The following PPP2R5A variants were observed in gnomAD, a reference collection of about 807,000 sequenced individuals.
PPP2R5A encodes the protein serine/threonine-protein phosphatase 2A 56 kDa regulatory subunit alpha isoform.
PPP2R5A carries 25 observed loss-of-function variants against 64.2 expected under a neutral mutation model. That is an observed-to-expected ratio of 0.39 (90% CI 0.28 to 0.54). PPP2R5A has a LOEUF of 0.54. Among genes scored for constraint, PPP2R5A ranks in the 20% least tolerant of loss-of-function variants. The pLI is 0.67. For synonymous variants in PPP2R5A, 198 were observed against 201.2 expected (o/e 0.98, Z 0.13); for missense variants, 425 against 576.3 (o/e 0.74, Z 2.69).
At chr1:212,290,234 C>T (rs1658576551) in intron 1 of PPP2R5A, among the ~76,000 whole-genome samples, 1 of 152,130 alleles carries the variant, frequency 6.6e-6, no homozygotes, top group South Asian at 2.1e-4. Context: ...TGTGTGTTTT[C>T]TAAAGTAGGT....
At chr1:212,348,628 G>T in intron 7 of PPP2R5A, 131 bp downstream of exon 7, 1 of 663,544 alleles carries the variant, frequency 1.5e-6, no homozygotes, top group Non-Finnish European at 2.4e-6. Flanking sequence ...ATTACCCAAA[G>T]CAAATTTTTC....
chr1:212,302,423 A>C (rs967757605), intron 1 of PPP2R5A, among the ~76,000 whole-genome samples: 3 of 152,194 alleles, frequency 2.0e-5, no homozygotes, highest in Non-Finnish European at 4.4e-5. Context: ...AGACAAAACT[A>C]GTGGATTCTG....
In PPP2R5A at chr1:212,347,482, G is replaced by A. The variant is rs1659803482; in HGVS notation, c.764+76G>A. On this transcript the variant is annotated intron_variant, in intron 6 of 12. Transcript: ENST00000261461. ...ATGTATTAAAATCTTAGCTGGGGTT[G>A]GAGAAATTATGTCATATTTTAGAGT... is the stretch of plus-strand genomic sequence containing the variant. 1.2e-5 allele frequency: 13 copies of A among 1,108,608 alleles called. No individual in the cohort carries two copies. In the East Asian group the frequency reaches 2.4e-4, roughly 21 times the overall value. 68.7% of individuals were successfully genotyped at this position (1,108,608 alleles called of 1,614,324 possible).
At chr1:212,287,004 G>A (rs143064946) in intron 1 of PPP2R5A, among the ~76,000 whole-genome samples, 187 of 152,320 alleles carry the variant, frequency 1.2e-3, no homozygotes, top group African/African-American at 4.4e-3. Flanking sequence ...AAATACGAAG[G>A]AGTAGGTAGT....
chr1:212,303,489 C>G (rs1206265746), intron 1 of PPP2R5A, among the ~76,000 whole-genome samples: 2 of 151,572 alleles, frequency 1.3e-5, no homozygotes, highest in Non-Finnish European at 2.9e-5. Flanking sequence ...ATATAAGCCC[C>G]TTGTGTCTTT....
intron 1 of PPP2R5A, among the ~76,000 whole-genome samples, chr1:212,294,532 G>A (rs1470943270): frequency 6.8e-6 from 1 of 148,002 alleles, no homozygotes; most frequent in African/African-American, 2.7e-5. Context: ...TTTGTTTGCT[G>A]TGAAATTAGA....
chr1:212,301,326 A>C (rs1311684497), intron 1 of PPP2R5A, among the ~76,000 whole-genome samples: 1 of 152,202 alleles, frequency 6.6e-6, no homozygotes, highest in African/African-American at 2.4e-5. Flanking sequence ...TAATTTTTTG[A>C]AATAAAAAAT....
chr1:212,357,383 T>G (rs1221081927), intron 11 of PPP2R5A, 99 bp downstream of exon 11: 1 of 1,145,722 alleles, frequency 8.7e-7, no homozygotes, highest in East Asian at 2.7e-5. Flanking sequence ...ATTACAGATT[T>G]GGAAGTTACT....
At chr1:212,311,285 G>A (rs1018750149) in intron 1 of PPP2R5A, among the ~76,000 whole-genome samples, 2 of 152,044 alleles carry the variant, frequency 1.3e-5, no homozygotes, top group Non-Finnish European at 2.9e-5. Context: ...TGGCTAACAC[G>A]GTGAAACCCC....
chr1:212,290,385 A>AC (rs1658578748), intron 1 of PPP2R5A, among the ~76,000 whole-genome samples: 1 of 152,210 alleles, frequency 6.6e-6, no homozygotes, highest in African/African-American at 2.4e-5. Flanking sequence ...TTCCATCTAA[A>AC]CACAGTTGGG....
chr1:212,321,039 G>A (rs1189254264), intron 1 of PPP2R5A, among the ~76,000 whole-genome samples: 3 of 76,436 alleles, frequency 3.9e-5, no homozygotes, highest in East Asian at 4.3e-4. Context: ...CTCACCTCCC[G>A]GACGGGGCGG....
intron 3 of PPP2R5A, 88 bp downstream of exon 3, chr1:212,333,686 G>T: frequency 1.4e-6 from 1 of 701,430 alleles, no homozygotes; most frequent in Non-Finnish European, 2.2e-6. Context: ...CTGAGTGTCT[G>T]TGTAAAATAT....
At chr1:212,318,322 C>T (rs1659199015) in intron 1 of PPP2R5A, among the ~76,000 whole-genome samples, 1 of 151,806 alleles carries the variant, frequency 6.6e-6, no homozygotes, top group African/African-American at 2.4e-5. Flanking sequence ...CTAGATTGTG[C>T]AGTTTGTTGT....
chr1:212,308,624 G>A lies in PPP2R5A; in HGVS notation c.182-20511G>A, dbSNP rs182607890. ...GAGTTTTGCTATGCTGGCTAGGCTG[G>A]TCTCAAACTCCTGACCTCAGGTGAT... On this transcript the variant is annotated intron_variant, in intron 1 of 12. Coordinates refer to ENST00000261461, the MANE Select transcript of PPP2R5A (RefSeq NM_006243.4). Among the ~76,000 whole-genome samples the A allele has an allele frequency of 3.2e-3, 487 of 152,126 alleles. 5 individuals carry two copies. The highest frequency in any genetic ancestry group is 0.011 in the African/African-American group (466 of 41,516).
intron 4 of PPP2R5A, among the ~76,000 whole-genome samples, chr1:212,345,095 G>T (rs1389168818): frequency 6.6e-6 from 1 of 151,340 alleles, no homozygotes; most frequent in African/African-American, 2.4e-5. Flanking sequence ...ACCCCAGGAG[G>T]TCGAGGCTGC....
intron 1 of PPP2R5A, chr1:212,301,778 G>A: frequency 9.4e-7 from 1 of 1,065,518 alleles, no homozygotes; most frequent in Non-Finnish European, 1.1e-6. Context: ...TCCTCAGCGT[G>A]TCACTGTAGT....
At chr1:212,331,219 G>A (rs988574545) in intron 2 of PPP2R5A, among the ~76,000 whole-genome samples, 25 of 150,928 alleles carry the variant, frequency 1.7e-4, no homozygotes, top group Non-Finnish European at 7.4e-5. Flanking sequence ...GGAGTGCAGT[G>A]GCGTAATCAT....
intron 1 of PPP2R5A, among the ~76,000 whole-genome samples, chr1:212,313,539 A>G (rs745698433): frequency 2.6e-5 from 4 of 151,430 alleles, no homozygotes; most frequent in Non-Finnish European, 4.4e-5. Flanking sequence ...TACATTCTGT[A>G]TACCAATTTC....
chr1:212,344,601 A>G (rs1409908031), intron 4 of PPP2R5A, among the ~76,000 whole-genome samples: 1 of 152,236 alleles, frequency 6.6e-6, no homozygotes, highest in African/African-American at 2.4e-5. Flanking sequence ...AGCTTTACAG[A>G]TACTTGTACT....
Sources: gnomAD v4.1 joint callset for allele counts (sites outside exome capture counted in the v4.1 genomes callset) on GRCh38, gnomAD v4.1.1 for gene constraint, MANE v1.5 for transcripts, NCBI Gene and HGNC (gene_info 2026-07-23, HGNC 2026-07-21) for gene names.